PARVB: variants seen among roughly 807,000 people sequenced by gnomAD.
PARVB encodes beta-parvin.
A neutral mutation model predicts 47.0 loss-of-function variants in PARVB; 46 were observed. The ratio of observed to expected loss-of-function variants is 0.98; its 90% CI spans 0.77 to 1.25. The LOEUF (loss-of-function observed/expected upper bound fraction) is 1.25. PARVB is among the 50% of genes most tolerant of loss of function. The pLI, the probability that PARVB is intolerant of heterozygous loss-of-function variation, is 0.00. For missense variants in PARVB, 473 were observed against 471.6 expected (o/e 1.00, Z -0.03); for synonymous variants, 196 against 196.3 (o/e 1.00, Z 0.01).
chr22:44,076,558 T>C (rs755005351), intron 1 of PARVB, among the ~76,000 whole-genome samples: 1 of 152,210 alleles, frequency 6.6e-6, no homozygotes, highest in Non-Finnish European at 1.5e-5. Flanking sequence ...CAAGACCACA[T>C]GCAGCTGTGC....
intron 9 of PARVB, chr22:44,148,247 T>C: frequency 2.6e-6 from 1 of 381,258 alleles, no homozygotes; most frequent in South Asian, 2.2e-5. Flanking sequence ...CTGCTCTCGC[T>C]GGCCTCATTT....
At chr22:44,129,238 G>A (rs2053257427) in intron 4 of PARVB, among the ~76,000 whole-genome samples, 2 of 152,216 alleles carry the variant, frequency 1.3e-5, no homozygotes, top group Non-Finnish European at 2.9e-5. Context: ...GGAGAGGGCA[G>A]CCATCTACAA....
intron 12 of PARVB, among the ~76,000 whole-genome samples, chr22:44,167,223 G>A (rs940415500): frequency 1.1e-4 from 17 of 152,180 alleles, no homozygotes; most frequent in African/African-American, 3.1e-4. Context: ...CTTGTGGCTC[G>A]CTCCAAATTC....
At chr22:44,126,705 A>C (rs1291881647) in intron 4 of PARVB, among the ~76,000 whole-genome samples, 1 of 152,130 alleles carries the variant, frequency 6.6e-6, no homozygotes, top group Non-Finnish European at 1.5e-5. Flanking sequence ...TCCCTACCTG[A>C]AGCAGATATT....
intron 4 of PARVB, among the ~76,000 whole-genome samples, chr22:44,120,867 GGAGT>G (rs1344702206): frequency 6.7e-6 from 1 of 149,624 alleles, no homozygotes; most frequent in African/African-American, 2.5e-5. Flanking sequence ...TTTTTGAAAT[GGAGT>G]CTTGCTCTGT....
Position 44,131,601 on chromosome 22 carries a change from G to T in PARVB, c.491G>T (p.Gly164Val). 3.1e-6 allele frequency: 5 copies of T among 1,613,978 alleles called. No homozygotes were observed. Among genetic ancestry groups the T allele is most frequent in the Non-Finnish European group, 4.2e-6 (5 of 1,179,974 alleles). The change falls in exon 5 of 13, where the codon GGC (glycine) becomes GTC (valine). Residue 164 changes from glycine to valine, a missense_variant. Physicochemically the swap from Gly to Val is moderately radical, Grantham distance 109. Transcript: ENST00000338758. ...GTACATGACCTGCTGCGGCCCCGAG[G>T]CTGGGCGCTCCGGTGGAGCGTGGAC... ...EAVHDLLRPR[G>V]WALRWSVDSI...
Position 44,073,472 on chromosome 22 carries a change from C to A in PARVB, c.113-20456C>A, listed in dbSNP as rs563864822. Among the ~76,000 whole-genome samples the A allele has an allele frequency of 2.6e-5, 4 of 152,262 alleles. No individual in the cohort carries two copies. In the South Asian group the frequency reaches 8.3e-4, roughly 32 times the overall value. On this transcript the variant is annotated intron_variant, in intron 1 of 12. Coordinates refer to ENST00000338758, the MANE Select transcript of PARVB (RefSeq NM_013327.5). ...TCGCGCCATTACACTCTAGCCTGGG[C>A]GACAGAGTGAGAGTCAGTCTCAAAA...
intron 1 of PARVB, among the ~76,000 whole-genome samples, chr22:44,056,208 T>TCGGGGCACCGCCCCA (rs1240357350): frequency 3.3e-5 from 5 of 152,270 alleles, no homozygotes; most frequent in African/African-American, 1.2e-4. Flanking sequence ...CCCCATTTAC[T>TCGGGGCACCGCCCCA]TGGGGCACCG....
chr22:44,088,144 G>T (rs1420476021), intron 1 of PARVB, among the ~76,000 whole-genome samples: 1 of 152,118 alleles, frequency 6.6e-6, no homozygotes, highest in Non-Finnish European at 1.5e-5. Context: ...CAGCAGCCTG[G>T]CTCTGGGATT....
intron 1 of PARVB, among the ~76,000 whole-genome samples, chr22:44,052,611 A>G (rs529732556): frequency 1.3e-5 from 2 of 152,356 alleles, no homozygotes; most frequent in Admixed American, 1.3e-4. Context: ...TAGACAGTTC[A>G]TAAGCATAGC....
rs34069747 is a variant in PARVB, at chr22:44,132,901, C to A, written c.525C>A (p.His175Gln). 1.2e-6 allele frequency: 2 copies of A among 1,612,230 alleles called. No homozygotes were observed. Among genetic ancestry groups the A allele is most frequent in the Non-Finnish European group, 1.7e-6 (2 of 1,178,454 alleles). ...TCCTCCTTCCTCCTGCAGCAATTCA[C>A]GGGAAGAACCTGGTGGCCATCCTCC... ...WALRWSVDSIHGKNLVAILHL... is the reference protein window; with the variant it reads ...WALRWSVDSIQGKNLVAILHL... Residue 175 changes from histidine (H) to glutamine (Q), a missense_variant, in exon 6 of 13, where the codon CAC (histidine) becomes CAA (glutamine). His to Gln is a conservative substitution (Grantham distance 24, BLOSUM62 0). Coordinates refer to ENST00000338758, the MANE Select transcript of PARVB (RefSeq NM_013327.5).
At chr22:44,063,799 G>A (rs1310911394) in intron 1 of PARVB, among the ~76,000 whole-genome samples, 5 of 152,128 alleles carry the variant, frequency 3.3e-5, no homozygotes, top group African/African-American at 4.8e-5. Flanking sequence ...AGATGAGTTG[G>A]GAGATGACTT....
chr22:44,004,599 T>G (rs1439741578), intron 2 of PARVB, among the ~76,000 whole-genome samples: 2 of 152,212 alleles, frequency 1.3e-5, no homozygotes, highest in African/African-American at 4.8e-5. Context: ...TCTCAAGATA[T>G]AAGAAATGTA....
At chr22:44,136,869 C>T (rs1301321122) in intron 7 of PARVB, among the ~76,000 whole-genome samples, 1 of 152,210 alleles carries the variant, frequency 6.6e-6, no homozygotes, top group African/African-American at 2.4e-5. Context: ...TACATTAGCC[C>T]CATCAGAGGT....
intron 1 of PARVB, among the ~76,000 whole-genome samples, chr22:44,084,396 G>T (rs765243558): frequency 6.6e-6 from 1 of 152,226 alleles, no homozygotes; most frequent in Non-Finnish European, 1.5e-5. Flanking sequence ...GAGAAGAAAA[G>T]CAATGGTGTC....
chr22:44,129,680 C>T (rs1006589115), intron 4 of PARVB, among the ~76,000 whole-genome samples: 3 of 152,192 alleles, frequency 2.0e-5, no homozygotes, highest in Admixed American at 6.5e-5. Context: ...GATGACTCAG[C>T]GAGGAGCTGT....
chr22:44,119,887 CAT>C (rs1569132114), intron 4 of PARVB: 2 of 526,774 alleles, frequency 3.8e-6, no homozygotes, highest in South Asian at 2.8e-5. Flanking sequence ...CCTTGCAGCT[CAT>C]ATGGAAGAAC....
chr22:44,061,319 T>C (rs2051414010), intron 1 of PARVB, among the ~76,000 whole-genome samples: 1 of 152,028 alleles, frequency 6.6e-6, no homozygotes, highest in Admixed American at 6.6e-5. Context: ...TAATCCCACC[T>C]ATTCAGGAGG....
upstream of PARVB, among the ~76,000 whole-genome samples, chr22:44,020,766 C>T (rs1046404552): frequency 5.9e-5 from 9 of 151,940 alleles, no homozygotes. Flanking sequence ...TATTTGGAAG[C>T]TTCTCCAACT....
Sources: gnomAD v4.1 joint callset for allele counts (sites outside exome capture counted in the v4.1 genomes callset) on GRCh38, gnomAD v4.1.1 for gene constraint, MANE v1.5 for transcripts, NCBI Gene and HGNC (gene_info 2026-07-23, HGNC 2026-07-21) for gene names.